The following ADAMTS10 variants were observed in gnomAD, a reference collection of about 807,000 sequenced individuals.
ADAMTS10 encodes A disintegrin and metalloproteinase with thrombospondin motifs 10.
Under a neutral mutation model 135.9 loss-of-function variants are expected in ADAMTS10, and 48 were observed. The observed-to-expected ratio is 0.35, with a 90% confidence interval of 0.28 to 0.45. The LOEUF (loss-of-function observed/expected upper bound fraction) is 0.45, where lower values mean the gene tolerates loss of function less well. Ranked by LOEUF, ADAMTS10 falls within the 20% of genes least tolerant of loss-of-function variation. ADAMTS10 has a pLI of 1.00. For missense variants in ADAMTS10, 1,131 were observed against 1,565.2 expected (o/e 0.72, Z 4.68); for synonymous variants, 621 against 647.5 (o/e 0.96, Z 0.62).
intron 25 of ADAMTS10, among the ~76,000 whole-genome samples, 187 bp downstream of exon 25, chr19:8,584,708 A>G (rs185126462): frequency 6.6e-6 from 1 of 152,296 alleles, no homozygotes; most frequent in East Asian, 1.9e-4. Flanking sequence ...TGCCTGAAAC[A>G]CTCAGCATAC....
chr19:8,592,541 CAGT>C (rs782491026), intron 13 of ADAMTS10, among the ~76,000 whole-genome samples: 4 of 149,526 alleles, frequency 2.7e-5, no homozygotes, highest in Non-Finnish European at 4.4e-5. Flanking sequence ...GGGAGTTAAA[CAGT>C]AGGCGTGGCC....
chr19:8,603,109 G>A (rs1555741808), intron 5 of ADAMTS10, among the ~76,000 whole-genome samples: 1 of 152,182 alleles, frequency 6.6e-6, no homozygotes, highest in East Asian at 1.9e-4. Context: ...CCGTCTAACT[G>A]TCTGATCAGA....
At chr19:8,595,656 T>G in intron 12 of ADAMTS10, 106 bp downstream of exon 12, 1 of 1,552,798 alleles carries the variant, frequency 6.4e-7, no homozygotes, top group Non-Finnish European at 8.8e-7. Context: ...CCTTCCCGGT[T>G]CTCCCACCCC....
Position 8,589,378 on chromosome 19 carries a change from G to C in ADAMTS10, c.2035-13C>G. ...CGCAGCCCACGTGCTGCGTGGAGAA[G>C]GCGTGAGTGAGGCGACCCCCTAACC... On this transcript the variant is annotated splice_polypyrimidine_tract_variant and intron_variant, in intron 17 of 25. Transcript: ENST00000597188. 1 of 1,612,070 alleles carries C rather than the reference G, an allele frequency of 6.2e-7. No homozygotes were observed. The highest frequency in any genetic ancestry group is 8.5e-7 in the Non-Finnish European group (1 of 1,179,856).
At chr19:8,593,220 G>C (rs146208685) in intron 12 of ADAMTS10, 2 of 334,012 alleles carry the variant, frequency 6.0e-6, no homozygotes, top group Non-Finnish European at 1.1e-5. Flanking sequence ...TTCAGAGTCT[G>C]TGCTCTAACG....
intron 25 of ADAMTS10, 53 bp downstream of exon 25, chr19:8,584,842 G>T: frequency 6.5e-7 from 1 of 1,545,006 alleles, no homozygotes. Context: ...TGCCCTCTGT[G>T]GCTGCCTCTG....
chr19:8,592,152 G>A, intron 13 of ADAMTS10, 49 bp from the exon 14 acceptor site: 1 of 1,612,716 alleles, frequency 6.2e-7, no homozygotes, highest in African/African-American at 1.3e-5. Context: ...GAGGACACTC[G>A]TCGGCCCCAT....
At chr19:8,602,631 A>C (rs1262814578) in intron 5 of ADAMTS10, among the ~76,000 whole-genome samples, 39 of 151,670 alleles carry the variant, frequency 2.6e-4, no homozygotes, top group Admixed American at 2.6e-3. Context: ...CTGATTTTCT[A>C]TATATATATT....
At chr19:8,603,953 T>C in intron 4 of ADAMTS10, 69 bp from the exon 5 acceptor site, 1 of 1,473,690 alleles carries the variant, frequency 6.8e-7, no homozygotes, top group Non-Finnish European at 9.1e-7. Context: ...CCTGGGACCT[T>C]CTCTCTGTCT....
In ADAMTS10 at chr19:8,591,978, G is replaced by A; in HGVS notation, c.1713C>T (p.Ser571=). ...RTCGGGVSSS[S]RHCDSPRPTI... ...CTGACCTGGGGCTGTCGCAGTGACG[G>A]CTAGAAGAGGACACGCCGCCGCCAC... The change falls in exon 14 of 26, where the codon AGC becomes AGT. Residue 571 remains serine, a synonymous_variant. Transcript: ENST00000597188. 1 of 1,613,398 alleles carries A rather than the reference G, an allele frequency of 6.2e-7. No individual in the cohort carries two copies. Among genetic ancestry groups the A allele is most frequent in the Non-Finnish European group, 8.5e-7 (1 of 1,179,788 alleles).
chr19:8,595,261 C>T (rs563644021), intron 12 of ADAMTS10, among the ~76,000 whole-genome samples: 87 of 152,158 alleles, frequency 5.7e-4, no homozygotes, highest in Admixed American at 1.1e-3. Flanking sequence ...ACGAATGGGG[C>T]TTTGGGAATC....
At chr19:8,600,643 C>A (rs563376397) in intron 6 of ADAMTS10, among the ~76,000 whole-genome samples, 2 of 151,654 alleles carry the variant, frequency 1.3e-5, no homozygotes, top group African/African-American at 4.8e-5. Context: ...GGACTACAGG[C>A]GCCCGCCACC....
In ADAMTS10 at chr19:8,605,538, C is replaced by T. The variant is rs1433005661; in HGVS notation, c.88+85G>A. On this transcript the variant is annotated intron_variant, in intron 3 of 25. Transcript: ENST00000597188. The surrounding 1 kb of genome is among the most constrained non-coding windows in gnomAD (Gnocchi z 7.7). Reference sequence around the variant, plus strand: ...TTCCCCCATTGACCCCCATCCCAGCCCCCTGATGCCTCTTTCTGTTGGAGC... The same window carrying T: ...TTCCCCCATTGACCCCCATCCCAGCTCCCTGATGCCTCTTTCTGTTGGAGC... 54 of 1,530,618 alleles carry T rather than the reference C, an allele frequency of 3.5e-5. No homozygotes were observed. The highest frequency in any genetic ancestry group is 4.5e-5 in the Non-Finnish European group (51 of 1,130,968). The allele number at this position is 1,530,618 out of a possible 1,614,324, so 94.8% of individuals were successfully genotyped here.
At chr19:8,592,588 C>T (rs1274796268) in intron 13 of ADAMTS10, among the ~76,000 whole-genome samples, 175 bp downstream of exon 13, 1 of 148,956 alleles carries the variant, frequency 6.7e-6, no homozygotes. Context: ...TGGGCGTGGC[C>T]AACGCGGGAA....
chr19:8,606,784 T>C (rs2042726745), intron 2 of ADAMTS10, among the ~76,000 whole-genome samples: 1 of 152,134 alleles, frequency 6.6e-6, no homozygotes, highest in South Asian at 2.1e-4. Flanking sequence ...GACGGGGGCA[T>C]GACAGCCAGG....
Position 8,585,580 on chromosome 19 carries a change from C to T in ADAMTS10, c.2741G>A (p.Arg914His). Residue 914 changes from arginine (R) to histidine (H), a missense_variant, in exon 23 of 26, where the codon CGC becomes CAC. Arg to His is a conservative substitution (Grantham distance 29). Around this residue, in one of 3 missense-constraint regions of ADAMTS10, gnomAD observed 745 missense variants for 1,056.3 expected, o/e 0.71. Transcript: ENST00000597188. Reference protein sequence around the residue: ...VRSRSVVCQRRVSAAEEKALD... With the variant: ...VRSRSVVCQRHVSAAEEKALD... ...CGCCTTCTCCTCCGCGGCAGAGACG[C>T]GGCGCTGGCACACGACCGAGCGGCT... The T allele has an allele frequency of 6.2e-7, 1 of 1,607,460 alleles. No individual in the cohort carries two copies. Among genetic ancestry groups the T allele is most frequent in the Non-Finnish European group, 8.5e-7 (1 of 1,177,484 alleles).
intron 1 of ADAMTS10, among the ~76,000 whole-genome samples, chr19:8,610,422 G>GACACACACACACAC (rs111492620): frequency 0.02 from 2,854 of 145,626 alleles, 86 homozygotes; most frequent in African/African-American, 0.066. Flanking sequence ...TACGTGGACG[G>GACACACACACACAC]ACACACACAC....
At position 8,597,050 on chromosome 19, in the gene ADAMTS10, C is replaced by T. The variant is rs2042613313; in HGVS notation, c.977G>A (p.Gly326Asp). Residue 326 changes from glycine to aspartate, a missense_variant, in exon 8 of 26, where the codon GGC becomes GAC. Around this residue, in one of 3 missense-constraint regions of ADAMTS10, gnomAD observed 80 missense variants for 164.4 expected, o/e 0.49. Transcript: ENST00000597188. ...KWQKSIVNHS[G>D]HGNAIPENGV... Reference sequence around the variant, plus strand: ...GTTCTCTGGAATGGCATTGCCATGGCCGCTGTGGTTCACGATGGATTTCTG... The same window carrying T: ...GTTCTCTGGAATGGCATTGCCATGGTCGCTGTGGTTCACGATGGATTTCTG... 1 of 1,614,198 alleles carries T rather than the reference C, an allele frequency of 6.2e-7. No individual in the cohort carries two copies. Among genetic ancestry groups the T allele is most frequent in the South Asian group, 1.1e-5 (1 of 91,076 alleles).
intron 1 of ADAMTS10, among the ~76,000 whole-genome samples, chr19:8,610,183 C>T (rs2042765149): frequency 6.6e-6 from 1 of 151,886 alleles, no homozygotes; most frequent in African/African-American, 2.4e-5. Context: ...CCTAGACACC[C>T]CCCCACACCA....
Sources: gnomAD v4.1 joint callset for allele counts (sites outside exome capture counted in the v4.1 genomes callset) on GRCh38, gnomAD v4.1.1 for gene constraint, gnomAD v4.1.1 regional missense constraint, Gnocchi (gnomAD v3.1) non-coding constraint, MANE v1.5 for transcripts, NCBI Gene and HGNC (gene_info 2026-07-23, HGNC 2026-07-21) for gene names.